SIPA1L3: variants seen among roughly 807,000 people sequenced by gnomAD.
SIPA1L3 encodes the protein signal-induced proliferation-associated 1-like protein 3.
In SIPA1L3, 59 loss-of-function variants were observed where a neutral mutation model predicts 150.1. That is an observed-to-expected ratio of 0.39 (90% CI 0.32 to 0.49). The LOEUF is 0.49. Ranked by LOEUF, SIPA1L3 falls within the 20% of genes least tolerant of loss-of-function variation. SIPA1L3 has a pLI of 0.86. For missense variants in SIPA1L3, 2,211 were observed against 2,489.5 expected, an observed-to-expected ratio of 0.89 and a Z score of 2.38; for synonymous variants, 1,070 against 1,077.6, an observed-to-expected ratio of 0.99 and a Z score of 0.14.
intron 2 of SIPA1L3, among the ~76,000 whole-genome samples, chr19:38,032,888 A>G (rs1968685013): frequency 6.6e-6 from 1 of 151,184 alleles, no homozygotes; most frequent in Non-Finnish European, 1.5e-5. Flanking sequence ...GATAAGTTGG[A>G]TGTATATAGT....
At chr19:37,920,335 G>T (rs1177243902) in intron 1 of SIPA1L3, among the ~76,000 whole-genome samples, 2 of 152,120 alleles carry the variant, frequency 1.3e-5, no homozygotes, top group African/African-American at 4.8e-5. Flanking sequence ...GAGATTACAG[G>T]CATGAGCCCA....
intron 4 of SIPA1L3, among the ~76,000 whole-genome samples, chr19:38,093,755 G>C (rs1291862638): frequency 6.6e-6 from 1 of 152,210 alleles, no homozygotes; most frequent in African/African-American, 2.4e-5. Context: ...ACAGTCTCGA[G>C]TGGACCTGCA....
chr19:37,913,245 C>A (rs1465456041), intron 1 of SIPA1L3, among the ~76,000 whole-genome samples: 1 of 152,092 alleles, frequency 6.6e-6, no homozygotes, highest in Non-Finnish European at 1.5e-5. Context: ...AGCTACTATT[C>A]TTATTTTATT....
intron 2 of SIPA1L3, among the ~76,000 whole-genome samples, chr19:38,033,694 TGTGTGC>T (rs978303616): frequency 7.1e-6 from 1 of 141,800 alleles, no homozygotes; most frequent in Non-Finnish European, 1.5e-5. Context: ...TGTGTGTGTG[TGTGTGC>T]GTGTATGTAA....
intron 1 of SIPA1L3, among the ~76,000 whole-genome samples, chr19:37,948,362 A>G (rs761283531): frequency 3.5e-4 from 53 of 151,888 alleles, no homozygotes; most frequent in Non-Finnish European, 6.9e-4. Flanking sequence ...GTTACTCGAG[A>G]GGCTGAGGTG....
intron 1 of SIPA1L3, among the ~76,000 whole-genome samples, chr19:38,019,182 G>A (rs960977539): frequency 6.6e-6 from 1 of 152,232 alleles, no homozygotes; most frequent in Non-Finnish European, 1.5e-5. Context: ...TAACAGTGGT[G>A]TAAACTCAGT....
intron 15 of SIPA1L3, among the ~76,000 whole-genome samples, chr19:38,180,533 TTTTC>T (rs1394289187): frequency 1.9e-5 from 2 of 107,004 alleles, no homozygotes; most frequent in East Asian, 2.6e-4. Context: ...TCTTTTTTTC[TTTTC>T]TTTTTTTTTT....
intron 2 of SIPA1L3, among the ~76,000 whole-genome samples, chr19:38,048,362 T>A (rs2145754396): frequency 6.6e-6 from 1 of 152,268 alleles, no homozygotes; most frequent in African/African-American, 2.4e-5. Flanking sequence ...TCTGTATGCC[T>A]CTTGGTTCCA....
At position 38,041,109 on chromosome 19, in the gene SIPA1L3, C is replaced by CTT. The variant is rs11419928; in HGVS notation, c.-311+11967_-311+11968dup. 3.0e-3 allele frequency among the ~76,000 whole-genome samples: 392 copies of CTT among 130,030 alleles called. 4 individuals are homozygous for CTT. Among genetic ancestry groups the CTT allele is most frequent in the Middle Eastern group, 8.2e-3 (2 of 244 alleles). The allele number at this position is 130,030 out of a possible 152,430, so 85.3% of individuals were successfully genotyped here. A position where few individuals can be genotyped will look rare whatever the true frequency, so the allele number is the denominator to read the frequency against. ...ACCTTTATTTATTTTATTATTATTA[C>CTT]TTTTTTTTTTTTTTTGAGTTGGAGT... On this transcript the variant is annotated intron_variant, in intron 2 of 21. Transcript: ENST00000222345.
chr19:37,911,034 G>A (rs1043588514), intron 1 of SIPA1L3, among the ~76,000 whole-genome samples: 1 of 152,146 alleles, frequency 6.6e-6, no homozygotes, highest in African/African-American at 2.4e-5. Context: ...CAATACAGAG[G>A]TGTAGGGAAA....
intron 16 of SIPA1L3, among the ~76,000 whole-genome samples, chr19:38,186,942 G>T (rs1487777762): frequency 1.3e-5 from 2 of 150,216 alleles, no homozygotes; most frequent in African/African-American, 4.9e-5. Context: ...AGGAGGCGGA[G>T]GTTGTGGTGA....
At chr19:38,091,062 C>T (rs1052587204) in intron 4 of SIPA1L3, among the ~76,000 whole-genome samples, 2 of 152,152 alleles carry the variant, frequency 1.3e-5, no homozygotes, top group Non-Finnish European at 2.9e-5. Context: ...TGGGCAACTG[C>T]TGGGTGGTGA....
intron 1 of SIPA1L3, among the ~76,000 whole-genome samples, chr19:38,006,965 G>T (rs569255265): frequency 6.6e-6 from 1 of 152,336 alleles, no homozygotes; most frequent in African/African-American, 2.4e-5. Flanking sequence ...ATACCATGCG[G>T]CCGGGAAGGT....
chr19:37,948,277 G>A (rs1325586249), intron 1 of SIPA1L3, among the ~76,000 whole-genome samples: 1 of 152,094 alleles, frequency 6.6e-6, no homozygotes, highest in Non-Finnish European at 1.5e-5. Context: ...CCCAGCCTGG[G>A]CAACATGATG....
chr19:38,053,449 T>A (rs1390371254), intron 2 of SIPA1L3, among the ~76,000 whole-genome samples: 2 of 152,206 alleles, frequency 1.3e-5, no homozygotes, highest in Non-Finnish European at 2.9e-5. Flanking sequence ...ATCCATATAA[T>A]AGTGGTAGTA....
intron 14 of SIPA1L3, among the ~76,000 whole-genome samples, 193 bp downstream of exon 14, chr19:38,162,564 C>A (rs1227957386): frequency 6.6e-6 from 1 of 152,230 alleles, no homozygotes; most frequent in East Asian, 1.9e-4. Context: ...TCATCTAGGG[C>A]AAATCCCTTT....
intron 1 of SIPA1L3, among the ~76,000 whole-genome samples, chr19:37,958,606 A>G (rs1380028259): frequency 6.6e-6 from 1 of 152,216 alleles, no homozygotes; most frequent in African/African-American, 2.4e-5. Context: ...TGAGTTAGGC[A>G]ATGGTTTCTT....
chr19:38,069,244 A>G (rs1255587921), intron 2 of SIPA1L3, among the ~76,000 whole-genome samples: 1 of 152,174 alleles, frequency 6.6e-6, no homozygotes, highest in Non-Finnish European at 1.5e-5. Flanking sequence ...ATGGGGGGAC[A>G]ATCGGAGGGA....
intron 6 of SIPA1L3, among the ~76,000 whole-genome samples, chr19:38,102,737 C>T (rs544871896): frequency 3.3e-5 from 5 of 151,996 alleles, no homozygotes; most frequent in Admixed American, 1.3e-4. Flanking sequence ...GAGGCTGAGG[C>T]GGGTGGATTG....
Sources: allele counts gnomAD v4.1 joint callset (sites outside exome capture counted in the v4.1 genomes callset), GRCh38; gene constraint gnomAD v4.1.1; transcripts MANE v1.5; gene names NCBI Gene and HGNC (gene_info 2026-07-23, HGNC 2026-07-21).